Variants in UVRAG observed in about 807,000 individuals in gnomAD.
UVRAG encodes UV radiation resistance associated, also known as UV radiation resistance-associated gene protein.
A neutral mutation model predicts 78.0 loss-of-function variants in UVRAG; 19 were observed. That is an observed-to-expected ratio of 0.24 (90% CI 0.17 to 0.36). UVRAG has a LOEUF of 0.36. UVRAG is among the 10% of genes least tolerant of loss of function. UVRAG has a pLI of 1.00. For synonymous variants in UVRAG, 323 were observed against 324.6 expected, an observed-to-expected ratio of 1.00 and a Z score of 0.05; for missense variants, 740 against 853.8, an observed-to-expected ratio of 0.87 and a Z score of 1.66.
chr11:76,127,949 C>A (rs2134492947), intron 14 of UVRAG, among the ~76,000 whole-genome samples: 1 of 151,960 alleles, frequency 6.6e-6, no homozygotes. Context: ...AAGAGCGAGA[C>A]CCCATCTCAA....
chr11:75,878,922 AG>A (rs1946878050), intron 3 of UVRAG, among the ~76,000 whole-genome samples: 1 of 145,234 alleles, frequency 6.9e-6, no homozygotes, highest in Non-Finnish European at 1.5e-5. Flanking sequence ...GGGGAGGGAG[AG>A]GGAGAGGGAG....
chr11:75,931,166 T>A lies in UVRAG; in HGVS notation c.593+19127T>A, dbSNP rs540955105. ...TTTTTAATGCTGTTTTGCAAATAAT[T>A]TGTGTGATCATTTTTTTCACTATGG... On this transcript the variant is annotated intron_variant, in intron 6 of 14. Transcript: ENST00000356136. Among the ~76,000 whole-genome samples, 8 of 152,116 alleles carry A rather than the reference T, an allele frequency of 5.3e-5. No homozygotes were observed. In the South Asian group the frequency reaches 1.7e-3, roughly 32 times the overall value.
intron 3 of UVRAG, among the ~76,000 whole-genome samples, chr11:75,877,772 G>A (rs1946833036): frequency 7.0e-6 from 1 of 142,978 alleles, no homozygotes; most frequent in Non-Finnish European, 1.5e-5. Context: ...GGAGCGGCTG[G>A]CCAGGCAGAG....
At chr11:75,864,448 A>G (rs1946493751) in intron 3 of UVRAG, among the ~76,000 whole-genome samples, 1 of 152,238 alleles carries the variant, frequency 6.6e-6, no homozygotes, top group Non-Finnish European at 1.5e-5. Flanking sequence ...TGGGCAGTAC[A>G]GGAGTCAACA....
At chr11:76,060,716 C>G (rs1208012249) in intron 12 of UVRAG, among the ~76,000 whole-genome samples, 1 of 152,204 alleles carries the variant, frequency 6.6e-6, no homozygotes, top group African/African-American at 2.4e-5. Flanking sequence ...GGGCCAGTGG[C>G]TGCCGAGGGT....
intron 13 of UVRAG, among the ~76,000 whole-genome samples, chr11:76,103,170 G>T (rs570758272): frequency 6.6e-6 from 1 of 152,074 alleles, no homozygotes; most frequent in Non-Finnish European, 1.5e-5. Context: ...GCCAGCCAGA[G>T]AAACCTCTGC....
At chr11:76,133,444 C>T (rs1238600276) in intron 14 of UVRAG, among the ~76,000 whole-genome samples, 1 of 152,062 alleles carries the variant, frequency 6.6e-6, no homozygotes, top group Non-Finnish European at 1.5e-5. Flanking sequence ...TAAAAGGAGG[C>T]TACAGCTTCA....
Position 75,991,430 on chromosome 11 carries a change from ATAG to A in UVRAG, c.826+7921_826+7923del, listed in dbSNP as rs548415868. Among the ~76,000 whole-genome samples, 300 of 152,270 alleles carry A rather than the reference ATAG, an allele frequency of 2.0e-3. 2 individuals carry two copies. The highest frequency in any genetic ancestry group is 3.4e-3 in the Non-Finnish European group (228 of 68,006). ...TTGACCTTTTCTAGTAAGAGTAATAATAGTAGCAATAATGTATCCAGTACAGTG... is the reference window on the plus strand; with the variant it reads ...TTGACCTTTTCTAGTAAGAGTAATAATAGCAATAATGTATCCAGTACAGTG... On this transcript the variant is annotated intron_variant, in intron 8 of 14. Transcript: ENST00000356136.
At chr11:75,953,774 T>C (rs1948746248) in intron 6 of UVRAG, among the ~76,000 whole-genome samples, 1 of 152,152 alleles carries the variant, frequency 6.6e-6, no homozygotes, top group African/African-American at 2.4e-5. Context: ...TCAAATCATG[T>C]TAAAAAATAG....
intron 13 of UVRAG, among the ~76,000 whole-genome samples, 161 bp downstream of exon 13, chr11:76,065,949 C>T (rs557968506): frequency 2.6e-5 from 4 of 152,214 alleles, no homozygotes; most frequent in South Asian, 2.1e-4. Context: ...AGTCTTTTTC[C>T]GTGCCCTTAA....
chr11:75,900,508 T>G (rs79195965), intron 5 of UVRAG, among the ~76,000 whole-genome samples: 5 of 152,344 alleles, frequency 3.3e-5, no homozygotes, highest in Non-Finnish European at 7.3e-5. Flanking sequence ...TATGCTCCTT[T>G]AGGGCTGAGG....
chr11:75,846,593 A>AT (rs879801288), intron 1 of UVRAG, among the ~76,000 whole-genome samples: 10,965 of 140,936 alleles, frequency 0.078, 1,171 homozygotes, highest in African/African-American at 0.24. Context: ...GTCTACATTC[A>AT]TTTTTTTTTT....
At chr11:75,944,721 T>G (rs1207984091) in intron 6 of UVRAG, among the ~76,000 whole-genome samples, 1 of 152,148 alleles carries the variant, frequency 6.6e-6, no homozygotes, top group African/African-American at 2.4e-5. Context: ...ACAGTGATTA[T>G]TGCGTAACGG....
chr11:75,840,815 T>C (rs1182134045), intron 1 of UVRAG, among the ~76,000 whole-genome samples: 1 of 152,224 alleles, frequency 6.6e-6, no homozygotes, highest in Non-Finnish European at 1.5e-5. Flanking sequence ...AGCATTCTTG[T>C]GTTCTTTCAA....
chr11:76,074,295 C>T (rs2134397803), intron 13 of UVRAG, among the ~76,000 whole-genome samples: 1 of 152,246 alleles, frequency 6.6e-6, no homozygotes, highest in Middle Eastern at 3.4e-3. Context: ...TGAAACTCTT[C>T]AATTGCTCCA....
chr11:76,110,202 T>C (rs1325607868), intron 13 of UVRAG, among the ~76,000 whole-genome samples: 1 of 128,982 alleles, frequency 7.8e-6, no homozygotes, highest in Non-Finnish European at 1.5e-5. Context: ...AATATATATA[T>C]ATCTGGTACA....
At chr11:75,823,532 G>C (rs1176425646) in intron 1 of UVRAG, among the ~76,000 whole-genome samples, 2 of 152,156 alleles carry the variant, frequency 1.3e-5, no homozygotes, top group Non-Finnish European at 2.9e-5. Flanking sequence ...ACAGAGTCTT[G>C]CTATATTGCC....
intron 7 of UVRAG, among the ~76,000 whole-genome samples, chr11:75,980,811 A>G (rs1356257089): frequency 6.6e-6 from 1 of 151,352 alleles, no homozygotes; most frequent in African/African-American, 2.4e-5. Flanking sequence ...CCTCTCAAGT[A>G]TCTGGGATTA....
At chr11:76,088,775 G>C (rs960068128) in intron 13 of UVRAG, among the ~76,000 whole-genome samples, 6 of 152,140 alleles carry the variant, frequency 3.9e-5, no homozygotes, top group Non-Finnish European at 8.8e-5. Flanking sequence ...CTTCTGTGAA[G>C]CCTTTCTTTG....
Sources: gnomAD v4.1 joint callset for allele counts (sites outside exome capture counted in the v4.1 genomes callset) on GRCh38, gnomAD v4.1.1 for gene constraint, MANE v1.5 for transcripts, NCBI Gene and HGNC (gene_info 2026-07-23, HGNC 2026-07-21) for gene names.